Variants in ITPR2 observed in about 807,000 individuals in gnomAD.
ITPR2 encodes the protein inositol 1,4,5-trisphosphate-gated calcium channel ITPR2.
In ITPR2, 207 loss-of-function variants were observed where a neutral mutation model predicts 317.1. That is an observed-to-expected ratio of 0.65 (90% confidence interval 0.58 to 0.73). The LOEUF (loss-of-function observed/expected upper bound fraction) is 0.73, where lower values mean the gene tolerates loss of function less well. Ranked by LOEUF, ITPR2 falls within the 30% of genes least tolerant of loss-of-function variation. The pLI is 0.00. For missense variants in ITPR2, 2,613 were observed against 3,284.0 expected, an observed-to-expected ratio of 0.80 and a Z score of 4.99; for synonymous variants, 1,156 against 1,149.1, an observed-to-expected ratio of 1.01 and a Z score of -0.12.
intron 43 of ITPR2, among the ~76,000 whole-genome samples, chr12:26,480,215 C>G (rs1325063648): frequency 1.3e-5 from 2 of 152,144 alleles, no homozygotes; most frequent in African/African-American, 4.8e-5. Flanking sequence ...AATTGAATAT[C>G]ATGCCTTAGT....
chr12:26,725,497 C>T (rs1226077288), intron 3 of ITPR2, among the ~76,000 whole-genome samples, 153 bp downstream of exon 3: 1 of 152,196 alleles, frequency 6.6e-6, no homozygotes, highest in Non-Finnish European at 1.5e-5. Flanking sequence ...CACCCTATTA[C>T]TTGAAAAGCC....
intron 2 of ITPR2, among the ~76,000 whole-genome samples, chr12:26,788,229 T>G (rs1950290752): frequency 6.6e-6 from 1 of 152,202 alleles, no homozygotes; most frequent in Non-Finnish European, 1.5e-5. Flanking sequence ...GCCCATTTGT[T>G]TAATGACTTA....
Position 26,486,320 on chromosome 12 carries a change from C to T in ITPR2, c.5595G>A (p.Gly1865=), listed in dbSNP as rs1942664017. ...STLHLKEGMK[G]QLTEASSATS... ...TTGCTGAAGAAGCTTCTGTTAATTG[C>T]CCTTTCATTCCCTCTTTTAAATGTA... Residue 1865 remains glycine, a synonymous_variant, in exon 41 of 57, where the codon GGG becomes GGA. Transcript: ENST00000381340. 1.2e-6 allele frequency: 2 copies of T among 1,612,744 alleles called. No homozygotes were observed. Among genetic ancestry groups the T allele is most frequent in the African/African-American group, 1.3e-5 (1 of 74,806 alleles).
chr12:26,828,529 G>A (rs1262439164), intron 1 of ITPR2, among the ~76,000 whole-genome samples: 2 of 152,192 alleles, frequency 1.3e-5, no homozygotes, highest in Non-Finnish European at 2.9e-5. Flanking sequence ...GTCACAGACA[G>A]AAAGCAGAGG....
intron 32 of ITPR2, among the ~76,000 whole-genome samples, chr12:26,585,253 A>G (rs529652398): frequency 1.4e-4 from 21 of 152,302 alleles, no homozygotes; most frequent in African/African-American, 4.8e-4. Context: ...TGTGTTTCAC[A>G]TCTTCCCTTT....
At chr12:26,546,495 C>A (rs1003754665) in intron 37 of ITPR2, among the ~76,000 whole-genome samples, 4 of 152,126 alleles carry the variant, frequency 2.6e-5, no homozygotes, top group African/African-American at 9.7e-5. Flanking sequence ...ACCTTCAGTT[C>A]CATGCAGCAT....
At chr12:26,758,053 T>C (rs1446281430) in intron 2 of ITPR2, among the ~76,000 whole-genome samples, 1 of 152,198 alleles carries the variant, frequency 6.6e-6, no homozygotes, top group Non-Finnish European at 1.5e-5. Flanking sequence ...AAATTACTAA[T>C]CGAGGTGAGA....
At chr12:26,357,566 G>T (rs1278661745) in intron 55 of ITPR2, among the ~76,000 whole-genome samples, 1 of 152,210 alleles carries the variant, frequency 6.6e-6, no homozygotes. Context: ...GCAAATTATT[G>T]ACCAAAGAGG....
intron 2 of ITPR2, among the ~76,000 whole-genome samples, chr12:26,745,308 A>G (rs1286830999): frequency 1.3e-5 from 2 of 152,260 alleles, no homozygotes; most frequent in Admixed American, 6.5e-5. Context: ...TTGCACTTCT[A>G]ATGATTGCAC....
At chr12:26,465,694 C>A (rs572458942) in intron 45 of ITPR2, among the ~76,000 whole-genome samples, 1 of 152,078 alleles carries the variant, frequency 6.6e-6, no homozygotes, top group South Asian at 2.1e-4. Context: ...ACCTCAGATA[C>A]GCATTTTTCC....
intron 15 of ITPR2, among the ~76,000 whole-genome samples, chr12:26,661,709 C>T (rs775190148): frequency 1.3e-5 from 2 of 152,136 alleles, no homozygotes; most frequent in Non-Finnish European, 2.9e-5. Flanking sequence ...TGACCAGTCT[C>T]ACAAGTGTAT....
intron 1 of ITPR2, among the ~76,000 whole-genome samples, chr12:26,811,559 C>T (rs1950747958): frequency 1.3e-5 from 2 of 151,864 alleles, no homozygotes; most frequent in African/African-American, 4.8e-5. Flanking sequence ...CCCTGGCGGG[C>T]GCCTGTACTC....
At chr12:26,789,814 A>T (rs1259072298) in intron 2 of ITPR2, among the ~76,000 whole-genome samples, 1 of 152,244 alleles carries the variant, frequency 6.6e-6, no homozygotes, top group Non-Finnish European at 1.5e-5. Flanking sequence ...AAATCTAACA[A>T]TGCAACACTA....
chr12:26,559,640 C>T (rs891013967), intron 35 of ITPR2, among the ~76,000 whole-genome samples: 2 of 152,158 alleles, frequency 1.3e-5, no homozygotes, highest in Admixed American at 1.3e-4. Flanking sequence ...CAGGGCACAG[C>T]CATAGCACCA....
chr12:26,700,522 A>C (rs1948424883), intron 9 of ITPR2, among the ~76,000 whole-genome samples: 1 of 152,248 alleles, frequency 6.6e-6, no homozygotes, highest in South Asian at 2.1e-4. Context: ...GCAAAGTCAC[A>C]CCGCTGGGGA....
At chr12:26,762,321 T>C (rs1034429260) in intron 2 of ITPR2, among the ~76,000 whole-genome samples, 14 of 152,198 alleles carry the variant, frequency 9.2e-5, no homozygotes, top group African/African-American at 3.4e-4. Flanking sequence ...TCAAAGTGAA[T>C]TTTGAAAGCA....
chr12:26,802,403 T>A (rs1454706487), intron 1 of ITPR2, among the ~76,000 whole-genome samples: 1 of 152,010 alleles, frequency 6.6e-6, no homozygotes, highest in African/African-American at 2.4e-5. Flanking sequence ...ATGCTAGCAC[T>A]TTGCGAGGCC....
At chr12:26,755,145 C>T (rs1949497452) in intron 2 of ITPR2, among the ~76,000 whole-genome samples, 1 of 152,154 alleles carries the variant, frequency 6.6e-6, no homozygotes, top group South Asian at 2.1e-4. Context: ...ATAATTGTTA[C>T]ATAAAATCAT....
chr12:26,439,251 A>G lies in ITPR2; in HGVS notation c.6519T>C (p.Thr2173=), dbSNP rs1302632521. The G allele has an allele frequency of 6.2e-7, 1 of 1,613,346 alleles. No homozygotes were observed. The highest frequency in any genetic ancestry group is 1.7e-5 in the Admixed American group (1 of 59,928). ...FPVPNICEYL[T]RESKCRVFNT... Reference sequence around the variant, plus strand: ...TGAACACACGGCACTTGGATTCTCGAGTGAGGTATTCACATATATTGGGGA... The same window carrying G: ...TGAACACACGGCACTTGGATTCTCGGGTGAGGTATTCACATATATTGGGGA... Residue 2173 remains threonine, a synonymous_variant, in exon 47 of 57, where the codon ACT becomes ACC. Coordinates refer to ENST00000381340, the MANE Select transcript of ITPR2 (RefSeq NM_002223.4).
Sources: gnomAD v4.1 joint callset for allele counts (sites outside exome capture counted in the v4.1 genomes callset) on GRCh38, gnomAD v4.1.1 for gene constraint, MANE v1.5 for transcripts, NCBI Gene and HGNC (gene_info 2026-07-23, HGNC 2026-07-21) for gene names.